Variants in CSMD1 observed in about 807,000 individuals in gnomAD.
CSMD1 encodes the protein CUB and sushi domain-containing protein 1.
Under a neutral mutation model 417.5 loss-of-function variants are expected in CSMD1, and 213 were observed. The ratio of observed to expected loss-of-function variants is 0.51; its 90% CI spans 0.46 to 0.57. CSMD1 has a LOEUF of 0.57. CSMD1 is among the 20% of genes least tolerant of loss of function. The pLI, the probability that CSMD1 is intolerant of heterozygous loss-of-function variation, is 0.00. For missense variants in CSMD1, 6,923 were observed against 4,529.7 expected (o/e 1.53, Z -15.17); for synonymous variants, 2,862 against 1,736.8 (o/e 1.65, Z -16.11).
chr8:4,126,658 C>T (rs1180594375), intron 3 of CSMD1, among the ~76,000 whole-genome samples: 1 of 152,154 alleles, frequency 6.6e-6, no homozygotes, highest in African/African-American at 2.4e-5. Flanking sequence ...CTTCTATCTC[C>T]TTATTAGATT....
rs575978182 is a variant in CSMD1 at position 3,376,888 on chromosome 8, G to C, written c.2783-7518C>G. ...CACGAAAAACCCATGGGGTTTAAGAGATTGCTTAAGATTTGAAGGGTAATG... is the reference window on the plus strand; with the variant it reads ...CACGAAAAACCCATGGGGTTTAAGACATTGCTTAAGATTTGAAGGGTAATG... On this transcript the variant is annotated intron_variant, in intron 18 of 69. Transcript: ENST00000635120. Among the ~76,000 whole-genome samples, 58 of 152,204 alleles carry C rather than the reference G, an allele frequency of 3.8e-4. 1 individual carries two copies. In the South Asian group the frequency reaches 7.3e-3, roughly 19 times the overall value.
intron 5 of CSMD1, among the ~76,000 whole-genome samples, chr8:3,969,669 C>T (rs921670073): frequency 6.6e-6 from 1 of 152,162 alleles, no homozygotes; most frequent in Non-Finnish European, 1.5e-5. Context: ...AGGTTCCTTG[C>T]TTTGATGTCA....
chr8:4,962,097 G>C (rs1427104854), intron 1 of CSMD1, among the ~76,000 whole-genome samples: 1 of 121,474 alleles, frequency 8.2e-6, no homozygotes, highest in Non-Finnish European at 1.7e-5. Context: ...ATGCATGTAA[G>C]TATGTATTTT....
rs527799535 is a variant in CSMD1 at position 3,800,248 on chromosome 8, G to C, written c.819-46206C>G. Among the ~76,000 whole-genome samples the C allele has an allele frequency of 3.3e-5, 5 of 152,150 alleles. No individual in the cohort carries two copies. In the East Asian group the frequency reaches 7.7e-4, roughly 24 times the overall value. ...ATGATGATACAGTCATCCTTTATTG[G>C]AATAACATTATATATTGGGAATACA... On this transcript the variant is annotated intron_variant, in intron 5 of 69. Coordinates refer to ENST00000635120, the MANE Select transcript of CSMD1 (RefSeq NM_033225.6).
chr8:3,842,082 T>C (rs1396637179), intron 5 of CSMD1, among the ~76,000 whole-genome samples: 1 of 152,200 alleles, frequency 6.6e-6, no homozygotes, highest in East Asian at 1.9e-4. Flanking sequence ...ACACACTAAA[T>C]GTAACTGGAA....
At chr8:4,313,381 C>T (rs550391120) in intron 3 of CSMD1, among the ~76,000 whole-genome samples, 1 of 152,064 alleles carries the variant, frequency 6.6e-6, no homozygotes, top group South Asian at 2.1e-4. Context: ...GTGACACACA[C>T]TCTGCTTTTG....
At chr8:4,978,708 G>T (rs116287882) in intron 1 of CSMD1, among the ~76,000 whole-genome samples, 1 of 152,082 alleles carries the variant, frequency 6.6e-6, no homozygotes, top group African/African-American at 2.4e-5. Flanking sequence ...GAGGCCAAGG[G>T]GAATGGATTA....
Position 4,639,310 on chromosome 8 carries a change from A to G in CSMD1, c.86-1752T>C, listed in dbSNP as rs533059789. 3.6e-5 allele frequency among the ~76,000 whole-genome samples: 5 copies of G among 140,544 alleles called. No homozygotes were observed. The South Asian group carries it at 6.7e-4, about 19-fold the overall frequency. The allele number at this position is 140,544 out of a possible 152,430, so 92.2% of individuals were successfully genotyped here. A position where few individuals can be genotyped will look rare whatever the true frequency, so the allele number is the denominator to read the frequency against. The stretch of plus-strand genomic sequence containing the variant: ...CTGTAACAGTCTGCCTCTGATGGCC[A>G]TGCCTGGGCCAATCCAACTGAAGCA... On this transcript the variant is annotated intron_variant, in intron 1 of 69. Coordinates refer to ENST00000635120, the MANE Select transcript of CSMD1 (RefSeq NM_033225.6).
chr8:3,158,021 G>T, intron 38 of CSMD1, 55 bp from the exon 39 acceptor site: 2 of 1,347,626 alleles, frequency 1.5e-6, no homozygotes, highest in South Asian at 1.3e-5. Flanking sequence ...AGTATTTAAG[G>T]ATTAAATGTT....
At chr8:4,549,812 G>A (rs143317341) in intron 2 of CSMD1, among the ~76,000 whole-genome samples, 2,157 of 143,696 alleles carry the variant, frequency 0.015, 14 homozygotes, top group Middle Eastern at 0.026. Flanking sequence ...CAGGAGAATC[G>A]CTTCAGCCCA....
intron 3 of CSMD1, among the ~76,000 whole-genome samples, chr8:4,308,634 G>C (rs190662151): frequency 6.6e-6 from 1 of 152,246 alleles, no homozygotes; most frequent in East Asian, 1.9e-4. Flanking sequence ...GGAAAACTAA[G>C]GATTCTTATT....
At chr8:3,261,770 C>T (rs932824215) in intron 26 of CSMD1, among the ~76,000 whole-genome samples, 3 of 152,088 alleles carry the variant, frequency 2.0e-5, no homozygotes, top group African/African-American at 7.2e-5. Flanking sequence ...CTGCCTGATT[C>T]CCTCCACAGC....
In CSMD1 at chr8:4,587,816, C is replaced by T. The variant is rs2724990; in HGVS notation, c.302+49526G>A. On this transcript the variant is annotated intron_variant, in intron 2 of 69. Transcript: ENST00000635120. ...ACTTGTGGGTACCATTTTGTTAAAA[C>T]ATTTTGCCTTTCCACAACTCTGTAA... Among the ~76,000 whole-genome samples the T allele has an allele frequency of 2.3e-3, 343 of 152,268 alleles. 1 individual carries two copies. Among genetic ancestry groups the T allele is most frequent in the African/African-American group, 7.8e-3 (323 of 41,556 alleles).
intron 3 of CSMD1, among the ~76,000 whole-genome samples, chr8:4,186,820 C>T (rs2131197721): frequency 7.8e-6 from 1 of 127,524 alleles, no homozygotes; most frequent in African/African-American, 2.9e-5. Flanking sequence ...CACCCCGTCT[C>T]TACTAAAAAT....
At chr8:4,020,117 G>C (rs562203392) in intron 4 of CSMD1, among the ~76,000 whole-genome samples, 2 of 152,042 alleles carry the variant, frequency 1.3e-5, no homozygotes, top group African/African-American at 4.8e-5. Flanking sequence ...CTATGTGTCA[G>C]GCTCTTTGCT....
intron 8 of CSMD1, among the ~76,000 whole-genome samples, chr8:3,588,700 G>A (rs1232403625): frequency 4.6e-5 from 7 of 151,844 alleles, no homozygotes; most frequent in Non-Finnish European, 1.0e-4. Context: ...CCCCCAAAGC[G>A]CAGACAACAC....
intron 5 of CSMD1, among the ~76,000 whole-genome samples, chr8:3,978,093 G>A (rs1368363389): frequency 6.6e-6 from 1 of 152,190 alleles, no homozygotes; most frequent in Admixed American, 6.5e-5. Flanking sequence ...CGGTGTCTGT[G>A]AGAAAGTCTC....
At chr8:3,245,627 C>G (rs1242872328) in intron 26 of CSMD1, among the ~76,000 whole-genome samples, 2 of 152,182 alleles carry the variant, frequency 1.3e-5, no homozygotes, top group African/African-American at 4.8e-5. Flanking sequence ...GAGCCTAAAT[C>G]TTCCGCAGGC....
chr8:3,694,770 A>T (rs1800454847), intron 7 of CSMD1, among the ~76,000 whole-genome samples: 1 of 151,742 alleles, frequency 6.6e-6, no homozygotes, highest in Non-Finnish European at 1.5e-5. Context: ...AAGAAGTGGA[A>T]AGAGCGGTCC....
Sources: allele counts gnomAD v4.1 joint callset (sites outside exome capture counted in the v4.1 genomes callset), GRCh38; gene constraint gnomAD v4.1.1; transcripts MANE v1.5; gene names NCBI Gene and HGNC (gene_info 2026-07-23, HGNC 2026-07-21).